NPAS3: variants seen among roughly 807,000 people sequenced by gnomAD.
NPAS3 encodes the protein neuronal PAS domain-containing protein 3.
A neutral mutation model predicts 73.1 loss-of-function variants in NPAS3; 14 were observed. The observed-to-expected ratio is 0.19, with a 90% CI of 0.13 to 0.30. NPAS3 has a LOEUF of 0.30. Among genes scored for constraint, NPAS3 ranks in the 10% least tolerant of loss-of-function variants. The pLI is 1.00. For missense variants in NPAS3, 1,096 were observed against 1,250.0 expected (o/e 0.88, Z 1.86); for synonymous variants, 620 against 541.5 (o/e 1.14, Z -2.01).
chr14:33,242,233 A>G (rs547343352), intron 3 of NPAS3, among the ~76,000 whole-genome samples: 7 of 152,176 alleles, frequency 4.6e-5, no homozygotes, highest in African/African-American at 1.4e-4. Flanking sequence ...ATAATGCAAG[A>G]TGTATTTTGG....
At chr14:33,767,663 T>G (rs1053512209) in intron 7 of NPAS3, among the ~76,000 whole-genome samples, 1 of 151,304 alleles carries the variant, frequency 6.6e-6, no homozygotes, top group Non-Finnish European at 1.5e-5. Context: ...CCCTATTCTA[T>G]ACTTTACATT....
chr14:33,193,031 G>C (rs1210758485), intron 2 of NPAS3, among the ~76,000 whole-genome samples: 2 of 152,126 alleles, frequency 1.3e-5, no homozygotes, highest in Non-Finnish European at 2.9e-5. Flanking sequence ...TTCTGGATGG[G>C]TGAATCTCTA....
chr14:33,215,286 C>A, exon 3 of NPAS3: 1 of 1,552,294 alleles, frequency 6.4e-7, no homozygotes, highest in Non-Finnish European at 8.9e-7. Context: ...CCTCTTCCTG[C>A]AGCCATTACC....
At chr14:33,439,524 C>T (rs1425425101) in intron 4 of NPAS3, among the ~76,000 whole-genome samples, 1 of 152,082 alleles carries the variant, frequency 6.6e-6, no homozygotes, top group African/African-American at 2.4e-5. Flanking sequence ...GTGGCCATAC[C>T]CATGCCTAAT....
downstream of NPAS3, chr14:33,803,332 G>A (rs757297877): frequency 2.0e-5 from 3 of 152,250 alleles, no homozygotes; most frequent in East Asian, 1.9e-4. Context: ...ATAGTAACTC[G>A]GCTGTCCTTT....
intron 4 of NPAS3, among the ~76,000 whole-genome samples, chr14:33,530,086 A>C (rs1042128018): frequency 3.9e-5 from 6 of 152,084 alleles, no homozygotes; most frequent in African/African-American, 1.4e-4. Context: ...CCTTTTTGTC[A>C]CCGCTCACCA....
At chr14:33,778,292 AC>A (rs1432419161) in intron 8 of NPAS3, among the ~76,000 whole-genome samples, 173 bp from the exon 9 acceptor site, 1 of 152,236 alleles carries the variant, frequency 6.6e-6, no homozygotes, top group African/African-American at 2.4e-5. Flanking sequence ...TTGAAAAAAG[AC>A]TGTTACGTGT....
chr14:33,367,250 G>A (rs1307707490), exon 4 of NPAS3: 1 of 866,224 alleles, frequency 1.2e-6, no homozygotes, highest in South Asian at 1.3e-5. Flanking sequence ...AAGCACATTT[G>A]GGAAGCCACA....
At chr14:32,953,182 G>T (rs541099058) in intron 1 of NPAS3, among the ~76,000 whole-genome samples, 2 of 150,532 alleles carry the variant, frequency 1.3e-5, no homozygotes, top group East Asian at 2.0e-4. Context: ...TGTTGAAATA[G>T]AATTTAAATT....
intron 5 of NPAS3, among the ~76,000 whole-genome samples, chr14:33,647,358 A>T (rs142896922): frequency 6.6e-6 from 1 of 151,964 alleles, no homozygotes; most frequent in Non-Finnish European, 1.5e-5. Flanking sequence ...AGGCTTCTTT[A>T]GTAATATTTT....
intron 4 of NPAS3, among the ~76,000 whole-genome samples, chr14:33,535,298 G>A (rs1212815163): frequency 6.6e-6 from 1 of 152,088 alleles, no homozygotes; most frequent in Non-Finnish European, 1.5e-5. Context: ...TTTCTAAATA[G>A]GCGCAAAATG....
At chr14:33,508,927 C>T (rs78079317) in intron 4 of NPAS3, among the ~76,000 whole-genome samples, 17 of 152,052 alleles carry the variant, frequency 1.1e-4, no homozygotes, top group East Asian at 2.0e-4. Context: ...AGCTGCCCTG[C>T]GGTCTCTGGC....
At chr14:33,116,020 C>A (rs1051408961) in intron 2 of NPAS3, among the ~76,000 whole-genome samples, 1 of 152,060 alleles carries the variant, frequency 6.6e-6, no homozygotes, top group African/African-American at 2.4e-5. Flanking sequence ...TTGCAATACA[C>A]AGATGGGAGC....
chr14:33,000,209 A>G (rs1313386120), intron 1 of NPAS3, among the ~76,000 whole-genome samples: 7 of 152,146 alleles, frequency 4.6e-5, no homozygotes, highest in African/African-American at 1.7e-4. Flanking sequence ...TGCCCAGGTC[A>G]CATAAGTGTA....
chr14:33,663,051 A>C (rs748259419), intron 5 of NPAS3, among the ~76,000 whole-genome samples: 22 of 151,546 alleles, frequency 1.5e-4, no homozygotes, highest in African/African-American at 3.9e-4. Flanking sequence ...CTCTCTTCCT[A>C]TTTGAATACC....
chr14:33,546,973 C>T (rs1225402502), intron 4 of NPAS3, among the ~76,000 whole-genome samples: 2 of 151,994 alleles, frequency 1.3e-5, no homozygotes, highest in East Asian at 1.9e-4. Context: ...AGGCTCCTGT[C>T]GTGGCAGGAA....
chr14:33,206,322 C>A (rs1877932393), intron 2 of NPAS3, among the ~76,000 whole-genome samples: 1 of 152,116 alleles, frequency 6.6e-6, no homozygotes, highest in South Asian at 2.1e-4. Flanking sequence ...TTTTAATTTT[C>A]TTGTGAGACA....
chr14:33,196,898 A>G (rs1469738443), intron 2 of NPAS3, among the ~76,000 whole-genome samples: 5 of 152,314 alleles, frequency 3.3e-5, no homozygotes, highest in Middle Eastern at 3.4e-3. Flanking sequence ...GTGCAATTCA[A>G]TAATTTGGGT....
At chr14:33,317,377 A>AAACCAAGGCT (rs2043249646) in intron 3 of NPAS3, among the ~76,000 whole-genome samples, 1 of 152,084 alleles carries the variant, frequency 6.6e-6, no homozygotes, top group Non-Finnish European at 1.5e-5. Flanking sequence ...ACAGATGAGT[A>AAACCAAGGCT]AACCAAGGCT....
Sources: gnomAD v4.1 joint callset for allele counts (sites outside exome capture counted in the v4.1 genomes callset) on GRCh38, gnomAD v4.1.1 for gene constraint, MANE v1.5 for transcripts, NCBI Gene and HGNC (gene_info 2026-07-23, HGNC 2026-07-21) for gene names.